DOCK2: variants seen among roughly 807,000 people sequenced by gnomAD.
DOCK2 encodes the protein dedicator of cytokinesis 2.
In DOCK2, 87 loss-of-function variants were observed where a neutral mutation model predicts 248.9. The observed-to-expected ratio is 0.35, with a 90% CI of 0.29 to 0.42. The LOEUF (loss-of-function observed/expected upper bound fraction) is 0.42, where lower values mean the gene tolerates loss of function less well. Ranked by LOEUF, DOCK2 falls within the 10% of genes least tolerant of loss-of-function variation. DOCK2 has a pLI of 1.00. For synonymous variants in DOCK2, 805 were observed against 821.6 expected (o/e 0.98, Z 0.35); for missense variants, 1,747 against 2,300.2 (o/e 0.76, Z 4.92).
chr5:169,850,678 A>G (rs1433142361), intron 27 of DOCK2, among the ~76,000 whole-genome samples: 1 of 152,216 alleles, frequency 6.6e-6, no homozygotes, highest in Non-Finnish European at 1.5e-5. Flanking sequence ...AGGCGGAAGC[A>G]TTGCCTTAAT....
At chr5:169,688,192 C>T (rs1474408140) in intron 8 of DOCK2, among the ~76,000 whole-genome samples, 1 of 152,220 alleles carries the variant, frequency 6.6e-6, no homozygotes, top group Non-Finnish European at 1.5e-5. Flanking sequence ...TTGCAAAGTG[C>T]TGGGATTACA....
chr5:169,985,330 T>A (rs1409515980), intron 28 of DOCK2, among the ~76,000 whole-genome samples: 1 of 151,292 alleles, frequency 6.6e-6, no homozygotes, highest in East Asian at 1.9e-4. Flanking sequence ...CCTGTCATTG[T>A]GTCTCAGCTA....
At chr5:170,042,515 C>T (rs1270590384) in intron 38 of DOCK2, among the ~76,000 whole-genome samples, 2 of 152,232 alleles carry the variant, frequency 1.3e-5, no homozygotes, top group African/African-American at 4.8e-5. Flanking sequence ...CCATGAGGCC[C>T]CACATGAGCT....
chr5:169,850,134 G>A (rs945229705), intron 27 of DOCK2, among the ~76,000 whole-genome samples: 7 of 152,152 alleles, frequency 4.6e-5, no homozygotes, highest in Admixed American at 2.0e-4. Context: ...ATGCACTGTC[G>A]GTATTAACAG....
chr5:169,799,856 G>T (rs1766862420), intron 25 of DOCK2, among the ~76,000 whole-genome samples: 1 of 151,998 alleles, frequency 6.6e-6, no homozygotes, highest in Non-Finnish European at 1.5e-5. Context: ...CGCCCAGGCT[G>T]GTGTGTAGCG....
intron 22 of DOCK2, among the ~76,000 whole-genome samples, chr5:169,742,303 C>T (rs262852): frequency 0.092 from 13,997 of 152,204 alleles, 1,494 homozygotes; most frequent in African/African-American, 0.26. Flanking sequence ...ATGTACTAGA[C>T]TCTGCTAATG....
intron 27 of DOCK2, among the ~76,000 whole-genome samples, chr5:169,977,526 C>T (rs1235804561): frequency 6.6e-6 from 1 of 152,166 alleles, no homozygotes; most frequent in Non-Finnish European, 1.5e-5. Flanking sequence ...TTTTTATCCC[C>T]TTTTACAGAT....
At chr5:169,661,958 A>T (rs1561577711) in intron 2 of DOCK2, among the ~76,000 whole-genome samples, 1 of 152,142 alleles carries the variant, frequency 6.6e-6, no homozygotes, top group Non-Finnish European at 1.5e-5. Flanking sequence ...CAGTTATTTC[A>T]TTTTCTTTGG....
intron 27 of DOCK2, among the ~76,000 whole-genome samples, chr5:169,949,008 C>CCTCT (rs1242692847): frequency 6.6e-6 from 1 of 152,126 alleles, no homozygotes; most frequent in Non-Finnish European, 1.5e-5. Flanking sequence ...GCAATAGAAG[C>CCTCT]CTCTGCATGT....
At chr5:169,796,699 G>A (rs530612643) in intron 25 of DOCK2, among the ~76,000 whole-genome samples, 2 of 152,318 alleles carry the variant, frequency 1.3e-5, no homozygotes, top group East Asian at 3.9e-4. Flanking sequence ...AGGCAAAGGC[G>A]GGGTGTCAGG....
intron 23 of DOCK2, among the ~76,000 whole-genome samples, chr5:169,758,862 C>T (rs1334665443): frequency 6.6e-6 from 1 of 152,110 alleles, no homozygotes; most frequent in South Asian, 2.1e-4. Flanking sequence ...GTAATTTTCA[C>T]GATTTTTTAC....
intron 27 of DOCK2, among the ~76,000 whole-genome samples, chr5:169,899,471 C>T (rs261059): frequency 0.3 from 45,952 of 152,006 alleles, 8,999 homozygotes; most frequent in African/African-American, 0.56. Flanking sequence ...GATTGCAGGT[C>T]AAAAATGAGC....
rs1231439757 is a variant in DOCK2, at chr5:169,764,514, G to A, written c.2554+2889G>A. ...TTCTCAGTAAGCTCATCTGGAAAGT[G>A]GGAATAAGAACAATAACGTCTGTCT... On this transcript the variant is annotated intron_variant, in intron 25 of 51. Transcript: ENST00000520908. The surrounding 1 kb of genome is among the most constrained non-coding windows in gnomAD (Gnocchi z 4.3). Among the ~76,000 whole-genome samples, 2 of 152,198 alleles carry A rather than the reference G, an allele frequency of 1.3e-5. No homozygotes were observed. Among genetic ancestry groups the A allele is most frequent in the Non-Finnish European group, 2.9e-5 (2 of 68,024 alleles).
intron 27 of DOCK2, among the ~76,000 whole-genome samples, chr5:169,885,290 A>G (rs570158679): frequency 4.7e-4 from 71 of 152,316 alleles, no homozygotes; most frequent in African/African-American, 1.5e-3. Flanking sequence ...GAACCATCTC[A>G]TTCACTGCTT....
intron 25 of DOCK2, among the ~76,000 whole-genome samples, chr5:169,770,491 G>A (rs1472048618): frequency 6.6e-6 from 1 of 151,664 alleles, no homozygotes; most frequent in Admixed American, 6.6e-5. Flanking sequence ...GTAGAGATAG[G>A]GTCTCCCTAT....
chr5:169,849,436 G>A (rs1284249025), intron 27 of DOCK2, among the ~76,000 whole-genome samples: 1 of 152,218 alleles, frequency 6.6e-6, no homozygotes, highest in Non-Finnish European at 1.5e-5. Context: ...ACTAAGGTTA[G>A]TCTTTAGGAA....
intron 27 of DOCK2, 100 bp from the exon 28 acceptor site, chr5:169,982,968 A>G: frequency 7.1e-6 from 8 of 1,131,696 alleles, no homozygotes; most frequent in Non-Finnish European, 1.1e-5. Flanking sequence ...CTCAGTAAAT[A>G]CTTTATTGAT....
intron 17 of DOCK2, 49 bp downstream of exon 17, chr5:169,712,272 AG>A (rs750955771): frequency 1.3e-6 from 2 of 1,576,800 alleles, no homozygotes; most frequent in African/African-American, 1.3e-5. Context: ...GCAGGAAGAA[AG>A]GGGGTGATGG....
intron 22 of DOCK2, among the ~76,000 whole-genome samples, chr5:169,746,916 A>G (rs1763645148): frequency 6.6e-6 from 1 of 152,216 alleles, no homozygotes; most frequent in Non-Finnish European, 1.5e-5. Context: ...TAACTCCTGA[A>G]ATGAAGGAAG....
Sources: gnomAD v4.1 joint callset for allele counts (sites outside exome capture counted in the v4.1 genomes callset) on GRCh38, gnomAD v4.1.1 for gene constraint, Gnocchi (gnomAD v3.1) non-coding constraint, MANE v1.5 for transcripts, NCBI Gene and HGNC (gene_info 2026-07-23, HGNC 2026-07-21) for gene names.